Variants in XRCC6 observed in about 807,000 individuals in gnomAD.
XRCC6 encodes the protein X-ray repair cross complementing 6.
Under a neutral mutation model 65.7 loss-of-function variants are expected in XRCC6, and 5 were observed. The ratio of observed to expected loss-of-function variants is 0.08; its 90% CI spans 0.04 to 0.16. The LOEUF (loss-of-function observed/expected upper bound fraction) is 0.16, where lower values mean the gene tolerates loss of function less well. Among genes scored for constraint, XRCC6 ranks in the 10% least tolerant of loss-of-function variants. XRCC6 has a pLI of 1.00. For missense variants in XRCC6, 447 were observed against 738.1 expected (o/e 0.61, Z 4.57); for synonymous variants, 270 against 270.6 (o/e 1.00, Z 0.02).
chr22:41,631,568 TG>T, intron 3 of XRCC6, among the ~76,000 whole-genome samples: 2 of 90,260 alleles, frequency 2.2e-5, no homozygotes, highest in Non-Finnish European at 2.2e-5. Flanking sequence ...TCTCAGACGA[TG>T]GGCGGCCGGG....
At chr22:41,652,057 T>G (rs1225503125) in intron 8 of XRCC6, among the ~76,000 whole-genome samples, 1 of 152,332 alleles carries the variant, frequency 6.6e-6, no homozygotes, top group South Asian at 2.1e-4. Flanking sequence ...GTGCTGAGAT[T>G]ACAGGCGTGA....
intron 8 of XRCC6, among the ~76,000 whole-genome samples, chr22:41,652,795 T>C (rs2147108663): frequency 6.6e-6 from 1 of 152,272 alleles, no homozygotes; most frequent in Non-Finnish European, 1.5e-5. Context: ...TGCCTCAGCC[T>C]CCCAAGTAGC....
rs1569086548 is a variant in XRCC6, at chr22:41,637,806, CG to C, written c.773+18del. The C allele has an allele frequency of 6.2e-7, 1 of 1,611,586 alleles. No homozygotes were observed. Among genetic ancestry groups the C allele is most frequent in the South Asian group, 1.1e-5 (1 of 90,738 alleles). ...GCACTCAGCAGGTGTGCACTCAGCC[CG>C]GGTCAGCTGCCTACACTGCCCTTAA... is the stretch of plus-strand genomic sequence containing the variant. On this transcript the variant is annotated intron_variant, in intron 6 of 12. Coordinates refer to ENST00000360079, the MANE Select transcript of XRCC6 (RefSeq NM_001469.5).
rs540443529 is a variant in XRCC6 at position 41,644,669 on chromosome 22, A to C, written c.774-2227A>C. ...CCTGGCTAATATTTTTTTGTATTTTAGTAGAGATGGGGTTTCACCGTGTTG... is the reference window on the plus strand; with the variant it reads ...CCTGGCTAATATTTTTTTGTATTTTCGTAGAGATGGGGTTTCACCGTGTTG... On this transcript the variant is annotated intron_variant, in intron 6 of 12. Transcript: ENST00000360079. Among the ~76,000 whole-genome samples, 7 of 151,930 alleles carry C rather than the reference A, an allele frequency of 4.6e-5. No homozygotes were observed. In the East Asian group the frequency reaches 1.4e-3, roughly 30 times the overall value.
intron 6 of XRCC6, among the ~76,000 whole-genome samples, chr22:41,639,125 T>TA (rs1448632414): frequency 6.6e-6 from 1 of 152,134 alleles, no homozygotes; most frequent in Admixed American, 6.6e-5. Flanking sequence ...TGAGTGTGCA[T>TA]TATTTGCTTT....
chr22:41,652,536 T>C (rs987085821), intron 8 of XRCC6, among the ~76,000 whole-genome samples: 5 of 152,138 alleles, frequency 3.3e-5, no homozygotes, highest in African/African-American at 1.2e-4. Flanking sequence ...AGCTAATCTT[T>C]TGTAATGTTA....
intron 11 of XRCC6, among the ~76,000 whole-genome samples, chr22:41,660,059 TGGACCAGG>T (rs1488572443): frequency 3.3e-5 from 5 of 152,216 alleles, no homozygotes; most frequent in African/African-American, 1.2e-4. Flanking sequence ...TCCCATGATG[TGGACCAGG>T]GGACTTCTGA....
In XRCC6 at chr22:41,656,968, A is replaced by G. The variant is rs1409912479; in HGVS notation, c.1357A>G (p.Met453Val). 7 of 1,612,388 alleles carry G rather than the reference A, an allele frequency of 4.3e-6. No individual in the cohort carries two copies. The highest frequency in any genetic ancestry group is 5.9e-6 in the Non-Finnish European group (7 of 1,179,614). ...KRKMPFTEKI[M>V]ATPEQVGKMK... ...GAAGATGCCCTTTACTGAAAAAATC[A>G]TGGCAACTCCAGAGCAGGTGGGCAA... The change falls in exon 10 of 13, where the codon ATG becomes GTG. Residue 453 changes from methionine to valine, a missense_variant. Physicochemically the swap from Met to Val is conservative, Grantham distance 21. Coordinates refer to ENST00000360079, the MANE Select transcript of XRCC6 (RefSeq NM_001469.5).
intron 2 of XRCC6, among the ~76,000 whole-genome samples, chr22:41,625,228 C>T (rs566632083): frequency 2.6e-5 from 4 of 151,826 alleles, no homozygotes; most frequent in South Asian, 4.1e-4. Context: ...CGCTTGAACA[C>T]GGGAGGTGGA....
intron 3 of XRCC6, among the ~76,000 whole-genome samples, chr22:41,634,541 A>G (rs1230065817): frequency 7.8e-6 from 1 of 128,876 alleles, no homozygotes; most frequent in Admixed American, 7.9e-5. Context: ...GAACTGATGA[A>G]CTCTCTTTTT....
At chr22:41,663,367 A>G (rs1317847043) in intron 12 of XRCC6, among the ~76,000 whole-genome samples, 1 of 152,204 alleles carries the variant, frequency 6.6e-6, no homozygotes, top group Non-Finnish European at 1.5e-5. Context: ...ACTTACCCAG[A>G]GTGAGCAACA....
rs1480507192 is a variant in XRCC6 at position 41,653,647 on chromosome 22, G to A, written c.1248G>A (p.Gln416=). 1.2e-6 allele frequency: 2 copies of A among 1,613,964 alleles called. No homozygotes were observed. The highest frequency in any genetic ancestry group is 3.3e-5 in the Admixed American group (2 of 59,980). Residue 416 remains glutamine (Q), a synonymous_variant, in exon 9 of 13, where the codon CAG becomes CAA. Coordinates refer to ENST00000360079, the MANE Select transcript of XRCC6 (RefSeq NM_001469.5). Reference sequence around the variant, plus strand: ...CTTATTTTGTGGCTTTGGTGCCACAGGAAGAAGAGTTGGATGACCAGAAAA... The same window carrying A: ...CTTATTTTGTGGCTTTGGTGCCACAAGAAGAAGAGTTGGATGACCAGAAAA... ...IPPYFVALVP[Q]EEELDDQKIQ...
chr22:41,624,055 C>T (rs919875409), intron 2 of XRCC6, among the ~76,000 whole-genome samples: 2 of 151,948 alleles, frequency 1.3e-5, no homozygotes, highest in African/African-American at 2.4e-5. Flanking sequence ...ATAATTTGGC[C>T]GGGTGTGGTG....
At chr22:41,636,381 TG>T in intron 4 of XRCC6, 130 bp downstream of exon 4, 1 of 1,484,206 alleles carries the variant, frequency 6.7e-7, no homozygotes, top group Non-Finnish European at 9.0e-7. Flanking sequence ...AAGGGGACCT[TG>T]CTCGATGTGG....
At chr22:41,629,807 C>G (rs1416632474) in intron 3 of XRCC6, among the ~76,000 whole-genome samples, 1 of 151,800 alleles carries the variant, frequency 6.6e-6, no homozygotes, top group African/African-American at 2.4e-5. Flanking sequence ...GTAGCTGGGA[C>G]TACAGGCACC....
intron 3 of XRCC6, among the ~76,000 whole-genome samples, chr22:41,631,723 G>A (rs1241061036): frequency 1.3e-5 from 2 of 151,688 alleles, no homozygotes; most frequent in African/African-American, 4.9e-5. Context: ...TCCCAGACGG[G>A]GTGGCGGCCG....
At chr22:41,656,865 T>G (rs2068049723) in intron 9 of XRCC6, 38 bp from the exon 10 acceptor site, 1 of 1,611,032 alleles carries the variant, frequency 6.2e-7, no homozygotes, top group East Asian at 2.2e-5. Flanking sequence ...CTGCAACACT[T>G]GAAGTCAAAT....
intron 2 of XRCC6, among the ~76,000 whole-genome samples, chr22:41,625,567 A>C (rs982361345): frequency 1.3e-5 from 2 of 152,220 alleles, no homozygotes; most frequent in African/African-American, 4.8e-5. Flanking sequence ...AAAATATGTT[A>C]CTTATGATAA....
intron 6 of XRCC6, among the ~76,000 whole-genome samples, chr22:41,643,051 TTAAA>T (rs546782724): frequency 8.5e-5 from 13 of 152,250 alleles, no homozygotes; most frequent in Non-Finnish European, 1.3e-4. Flanking sequence ...GTTCTTTTCT[TTAAA>T]TACTGCTAGG....
Sources: allele counts gnomAD v4.1 joint callset (sites outside exome capture counted in the v4.1 genomes callset), GRCh38; gene constraint gnomAD v4.1.1; transcripts MANE v1.5; gene names NCBI Gene and HGNC (gene_info 2026-07-23, HGNC 2026-07-21).